Variants in CTTNBP2 observed in about 807,000 individuals in gnomAD.
The protein encoded by CTTNBP2 is cortactin binding protein 2.
In CTTNBP2, 108 loss-of-function variants were observed where a neutral mutation model predicts 156.9. That is an observed-to-expected ratio of 0.69 (90% CI 0.59 to 0.81). CTTNBP2 has a LOEUF of 0.81. Ranked by LOEUF, CTTNBP2 falls within the 30% of genes least tolerant of loss-of-function variation. CTTNBP2 has a pLI of 0.00. For synonymous variants in CTTNBP2, 767 were observed against 751.8 expected (o/e 1.02, Z -0.33); for missense variants, 1,924 against 2,035.4 (o/e 0.95, Z 1.05).
At chr7:117,867,422 T>C (rs1044923502) in intron 1 of CTTNBP2, among the ~76,000 whole-genome samples, 2 of 152,212 alleles carry the variant, frequency 1.3e-5, no homozygotes, top group African/African-American at 4.8e-5. Flanking sequence ...TCCGGCCTTG[T>C]GCATTTCCTC....
chr7:117,769,207 G>A (rs1361330887), intron 8 of CTTNBP2, among the ~76,000 whole-genome samples: 1 of 152,128 alleles, frequency 6.6e-6, no homozygotes, highest in Non-Finnish European at 1.5e-5. Context: ...ACTTTTAAAT[G>A]CAATAATGAG....
At chr7:117,744,089 C>T (rs1453946912) in intron 14 of CTTNBP2, among the ~76,000 whole-genome samples, 1 of 152,026 alleles carries the variant, frequency 6.6e-6, no homozygotes, top group Non-Finnish European at 1.5e-5. Flanking sequence ...TTGATACAGG[C>T]TTGTGATGTG....
At chr7:117,749,762 A>G (rs1311227988) in intron 12 of CTTNBP2, among the ~76,000 whole-genome samples, 2 of 152,118 alleles carry the variant, frequency 1.3e-5, no homozygotes, top group Non-Finnish European at 2.9e-5. Flanking sequence ...AATATTTCCT[A>G]CCTAATTTCA....
At chr7:117,847,199 A>G (rs187758914) in intron 2 of CTTNBP2, among the ~76,000 whole-genome samples, 82 of 152,318 alleles carry the variant, frequency 5.4e-4, no homozygotes, top group Non-Finnish European at 1.0e-3. Context: ...AAAGCAATGA[A>G]AAGTAGGACA....
rs117610447 is a variant in CTTNBP2, at chr7:117,764,202, C to T, written c.2896+2857G>A. 8.3e-4 allele frequency among the ~76,000 whole-genome samples: 127 copies of T among 152,254 alleles called. 2 individuals carry two copies. Among genetic ancestry groups the T allele is most frequent in the Middle Eastern group, 6.8e-3 (2 of 294 alleles). On this transcript the variant is annotated intron_variant, in intron 9 of 22. Transcript: ENST00000160373. ...TACATCTTACTTCCTCACTTACAAT[C>T]GTTCAATTGTTCATTCATGTCCACA...
chr7:117,724,992 T>C, intron 18 of CTTNBP2, 60 bp downstream of exon 18: 1 of 1,501,156 alleles, frequency 6.7e-7, no homozygotes. Flanking sequence ...TAAAAACAGC[T>C]TTTAAAAGGT....
At chr7:117,843,543 C>A (rs35045777) in intron 2 of CTTNBP2, among the ~76,000 whole-genome samples, 12 of 152,108 alleles carry the variant, frequency 7.9e-5, no homozygotes, top group Admixed American at 7.9e-4. Flanking sequence ...GGCAAGGGGG[C>A]CAGTAGGGCT....
chr7:117,727,335 A>G (rs1265178179), intron 17 of CTTNBP2, among the ~76,000 whole-genome samples: 2 of 151,964 alleles, frequency 1.3e-5, no homozygotes, highest in Non-Finnish European at 2.9e-5. Flanking sequence ...AGCTGGGACT[A>G]CAGGTACATG....
chr7:117,852,950 T>C (rs1029852008), intron 2 of CTTNBP2, among the ~76,000 whole-genome samples: 1 of 152,154 alleles, frequency 6.6e-6, no homozygotes, highest in Non-Finnish European at 1.5e-5. Flanking sequence ...GAAAATGGCA[T>C]ATATCCTATT....
intron 12 of CTTNBP2, among the ~76,000 whole-genome samples, chr7:117,748,417 A>T (rs34900215): frequency 0.098 from 14,941 of 152,074 alleles, 2,394 homozygotes; most frequent in African/African-American, 0.34. Flanking sequence ...CTCCTCTTCT[A>T]GTTCTCTTTA....
chr7:117,802,205 A>T (rs1799658417), intron 3 of CTTNBP2, among the ~76,000 whole-genome samples: 1 of 151,898 alleles, frequency 6.6e-6, no homozygotes, highest in South Asian at 2.1e-4. Context: ...ATGATTCAAT[A>T]CAGGAAAATT....
intron 2 of CTTNBP2, among the ~76,000 whole-genome samples, chr7:117,836,612 A>AG (rs1414310061): frequency 2.0e-5 from 3 of 152,170 alleles, no homozygotes; most frequent in Non-Finnish European, 4.4e-5. Context: ...ATACTGATTG[A>AG]GAGGGTTAAG....
Position 117,777,551 on chromosome 7 carries a change from C to G in CTTNBP2, c.2738G>C (p.Gly913Ala). Residue 913 changes from glycine to alanine, a missense_variant, in exon 8 of 23, where the codon GGC (glycine) becomes GCC (alanine). Transcript: ENST00000160373. ...ADLINHANRE[G>A]WTAAHIAASK... The stretch of plus-strand genomic sequence containing the variant: ...AGCAGCAATGTGGGCAGCAGTCCAG[C>G]CTTCTCTGTTGGCGTGGTTAATGAG... 2 of 1,613,694 alleles carry G rather than the reference C, an allele frequency of 1.2e-6. No homozygotes were observed. The highest frequency in any genetic ancestry group is 1.7e-6 in the Non-Finnish European group (2 of 1,179,896).
intron 10 of CTTNBP2, 140 bp downstream of exon 10, chr7:117,760,295 T>C (rs1797129829): frequency 5.4e-6 from 4 of 743,774 alleles, no homozygotes; most frequent in Non-Finnish European, 6.5e-6. Flanking sequence ...TTGTGAATAC[T>C]CAAGTTTTTC....
chr7:117,867,498 G>A (rs1804280793), intron 1 of CTTNBP2, among the ~76,000 whole-genome samples: 1 of 151,892 alleles, frequency 6.6e-6, no homozygotes, highest in African/African-American at 2.4e-5. Flanking sequence ...AGGACAGTAA[G>A]AACATTACTT....
chr7:117,820,898 A>G (rs1800922383), intron 2 of CTTNBP2, among the ~76,000 whole-genome samples: 1 of 152,184 alleles, frequency 6.6e-6, no homozygotes, highest in African/African-American at 2.4e-5. Context: ...TGAGTTTGGT[A>G]AGTCATTTTA....
At chr7:117,789,920 T>A (rs1329354903) in intron 4 of CTTNBP2, among the ~76,000 whole-genome samples, 1 of 152,208 alleles carries the variant, frequency 6.6e-6, no homozygotes, top group Non-Finnish European at 1.5e-5. Context: ...AAAATATGGA[T>A]AAAGCCTCTC....
At chr7:117,716,002 TTC>T (rs1416041650) in intron 22 of CTTNBP2, 1 of 151,392 alleles carries the variant, frequency 6.6e-6, no homozygotes, top group Admixed American at 6.6e-5. Context: ...TGCTGGCACT[TTC>T]TGAGAAAAAC....
At chr7:117,775,423 C>CTAATAA (rs1470196642) in intron 8 of CTTNBP2, among the ~76,000 whole-genome samples, 5 of 151,912 alleles carry the variant, frequency 3.3e-5, no homozygotes, top group African/African-American at 1.2e-4. Flanking sequence ...ATCATAAAAA[C>CTAATAA]ACCAGAACTA....
Sources: allele counts gnomAD v4.1 joint callset (sites outside exome capture counted in the v4.1 genomes callset), GRCh38; gene constraint gnomAD v4.1.1; transcripts MANE v1.5; gene names NCBI Gene and HGNC (gene_info 2026-07-23, HGNC 2026-07-21).